The following NRIP2 variants were observed in gnomAD, a reference collection of about 807,000 sequenced individuals.
NRIP2 encodes the protein nuclear receptor-interacting protein 2.
NRIP2 carries 27 observed loss-of-function variants against 34.1 expected under a neutral mutation model. The observed-to-expected ratio is 0.79, with a 90% CI of 0.58 to 1.09. The LOEUF is 1.09. Among genes scored for constraint, NRIP2 ranks in the 50% least tolerant of loss-of-function variants. The pLI, the probability that NRIP2 is intolerant of heterozygous loss-of-function variation, is 0.00. For synonymous variants in NRIP2, 145 were observed against 146.9 expected (o/e 0.99, Z 0.09); for missense variants, 385 against 352.6 (o/e 1.09, Z -0.74).
chr12:2,828,178 C>G, intron 3 of NRIP2, 131 bp from the exon 4 acceptor site: 2 of 1,166,628 alleles, frequency 1.7e-6, no homozygotes, highest in Non-Finnish European at 2.5e-6. Flanking sequence ...AAATCCTTGC[C>G]TTCTCTGCCA....
rs559300815 is a variant in NRIP2, at chr12:2,830,408, A to G, written c.495+300T>C. 15 of 270,784 alleles carry G rather than the reference A, an allele frequency of 5.5e-5. No individual in the cohort carries two copies. The South Asian group carries it at 5.8e-4, about 10-fold the overall frequency. 16.8% of individuals were successfully genotyped at this position (270,784 alleles called of 1,614,324 possible). On this transcript the variant is annotated intron_variant, in intron 2 of 5. Coordinates refer to ENST00000337508, the MANE Select transcript of NRIP2 (RefSeq NM_031474.3). Reference sequence around the variant, plus strand: ...AGTTTTTTCCAGAATTACGTTATCCATGCACACACACCATTTGTCTGTGTA... The same window carrying G: ...AGTTTTTTCCAGAATTACGTTATCCGTGCACACACACCATTTGTCTGTGTA...
Position 2,827,312 on chromosome 12 carries a change from G to C in NRIP2, c.754-13C>G. ...GGTCGATGCAGCACTGCGGGGTGTA[G>C]AGCAGTCATGCCAGGTCACCTCAGC... On this transcript the variant is annotated splice_polypyrimidine_tract_variant and intron_variant, in intron 5 of 5. Transcript: ENST00000337508. This position sits in a 1 kb window ranked among gnomAD's most constrained non-coding sequence, Gnocchi z 4.0. 1 of 1,610,364 alleles carries C rather than the reference G, an allele frequency of 6.2e-7. No homozygotes were observed. The highest frequency in any genetic ancestry group is 1.3e-5 in the African/African-American group (1 of 74,936).
chr12:2,832,195 C>G (rs1485492285), intron 1 of NRIP2, among the ~76,000 whole-genome samples: 2 of 152,124 alleles, frequency 1.3e-5, no homozygotes, highest in Non-Finnish European at 2.9e-5. Context: ...TTGAGAAGCA[C>G]CAAAGTAAAA....
chr12:2,830,559 G>T lies in NRIP2; in HGVS notation c.495+149C>A, dbSNP rs944614269. 5 of 755,536 alleles carry T rather than the reference G, an allele frequency of 6.6e-6. No individual in the cohort carries two copies. In the East Asian group the frequency reaches 8.7e-5, roughly 13 times the overall value. The allele number at this position is 755,536 out of a possible 1,614,324, so 46.8% of individuals were successfully genotyped here. On this transcript the variant is annotated intron_variant, in intron 2 of 5. Coordinates refer to ENST00000337508, the MANE Select transcript of NRIP2 (RefSeq NM_031474.3). The stretch of plus-strand genomic sequence containing the variant: ...ATGGCTTGGGGCAGGGAGGAAGGAG[G>T]TAGAGGATCCTGGTTAGGTCCAGGC...
At chr12:2,830,638 G>T in intron 2 of NRIP2, 70 bp downstream of exon 2, 1 of 1,505,476 alleles carries the variant, frequency 6.6e-7, no homozygotes, top group Non-Finnish European at 9.0e-7. Flanking sequence ...GGGCAGAGCA[G>T]AAAGGAGAGC....
Position 2,828,276 on chromosome 12 carries a change from C to T in NRIP2, c.578+56G>A, listed in dbSNP as rs536569192. On this transcript the variant is annotated intron_variant, in intron 3 of 5. Transcript: ENST00000337508. ...TCACTATCTAATTTGAGAATATTTT[C>T]ATCACCCCAAAAAGAAACCCTGTCC... 3.6e-4 allele frequency: 520 copies of T among 1,462,042 alleles called. 6 individuals are homozygous for T. The highest frequency in any genetic ancestry group is 2.1e-3 in the South Asian group (186 of 86,582). 90.6% of individuals were successfully genotyped at this position (1,462,042 alleles called of 1,614,324 possible). A position where few individuals can be genotyped will look rare whatever the true frequency, so the allele number is the denominator to read the frequency against.
intron 1 of NRIP2, 31 bp from the exon 2 acceptor site, chr12:2,830,891 C>T (rs2097998463): frequency 6.2e-7 from 1 of 1,603,618 alleles, no homozygotes. Context: ...TGAAGGTAGG[C>T]AGTTCTAAAC....
At position 2,826,327 on chromosome 12, in the gene NRIP2, G is replaced by A. The variant is rs1368734371; in HGVS notation, c.*880C>T. On this transcript the variant is annotated 3_prime_UTR_variant, in exon 6 of 6. Transcript: ENST00000337508. ...AGGCCAGAGATGGGGATAGGAAGAAGGCCTAATGAGGTGGATAGTTCTAGA... is the reference window on the plus strand; with the variant it reads ...AGGCCAGAGATGGGGATAGGAAGAAAGCCTAATGAGGTGGATAGTTCTAGA... The A allele has an allele frequency of 6.6e-6, 1 of 152,150 alleles. No individual in the cohort carries two copies. Among genetic ancestry groups the A allele is most frequent in the Non-Finnish European group, 1.5e-5 (1 of 68,040 alleles). 9.4% of individuals were successfully genotyped at this position (152,150 alleles called of 1,614,324 possible). A position where few individuals can be genotyped will look rare whatever the true frequency, so the allele number is the denominator to read the frequency against.
chr12:2,832,761 A>G (rs1275536986), intron 1 of NRIP2, among the ~76,000 whole-genome samples: 3 of 149,294 alleles, frequency 2.0e-5, no homozygotes, highest in South Asian at 2.2e-4. Context: ...TAGGCACTCA[A>G]TAAATGCTTG....
At chr12:2,830,378 A>C (rs1209881935) in intron 2 of NRIP2, 1 of 208,754 alleles carries the variant, frequency 4.8e-6, no homozygotes, top group Non-Finnish European at 9.5e-6. Context: ...GCCTTAGAAC[A>C]CATGAGTTTT....
chr12:2,828,466 G>A (rs752045217), intron 2 of NRIP2, 52 bp from the exon 3 acceptor site: 11 of 1,362,722 alleles, frequency 8.1e-6, no homozygotes, highest in Non-Finnish European at 1.1e-5. Context: ...GAATGGGTTG[G>A]AATTGGATCC....
intron 1 of NRIP2, among the ~76,000 whole-genome samples, chr12:2,831,785 T>A (rs1394850795): frequency 6.6e-6 from 1 of 152,068 alleles, no homozygotes; most frequent in East Asian, 1.9e-4. Flanking sequence ...TCTTTCAAGA[T>A]GGGATCTTGC....
chr12:2,833,384 A>C (rs2098013004), intron 1 of NRIP2, among the ~76,000 whole-genome samples: 1 of 151,806 alleles, frequency 6.6e-6, no homozygotes, highest in African/African-American at 2.4e-5. Context: ...ATTAAGTCTC[A>C]GTGCAATCCC....
intron 2 of NRIP2, among the ~76,000 whole-genome samples, chr12:2,828,959 C>T (rs1015676958): frequency 6.6e-6 from 1 of 151,964 alleles, no homozygotes; most frequent in Admixed American, 6.6e-5. Flanking sequence ...GTAGTTCTAG[C>T]ACTTTGGAGG....
intron 2 of NRIP2, among the ~76,000 whole-genome samples, chr12:2,829,324 T>G (rs1363981492): frequency 1.3e-5 from 2 of 152,246 alleles, no homozygotes; most frequent in Non-Finnish European, 2.9e-5. Context: ...CGCTTGGATA[T>G]ACACACACAT....
intron 1 of NRIP2, among the ~76,000 whole-genome samples, chr12:2,832,808 C>G (rs910862164): frequency 2.0e-5 from 3 of 150,258 alleles, no homozygotes; most frequent in Non-Finnish European, 4.4e-5. Flanking sequence ...CTATGCACCT[C>G]TCCACCTGCC....
chr12:2,827,040 G>C lies in NRIP2; in HGVS notation c.*167C>G, dbSNP rs1261090152. The C allele has an allele frequency of 6.8e-7, 1 of 1,460,622 alleles. No individual in the cohort carries two copies. Among genetic ancestry groups the C allele is most frequent in the Non-Finnish European group, 9.0e-7 (1 of 1,114,774 alleles). The allele number at this position is 1,460,622 out of a possible 1,614,324, so 90.5% of individuals were successfully genotyped here. On this transcript the variant is annotated 3_prime_UTR_variant, in exon 6 of 6. Transcript: ENST00000337508. The surrounding 1 kb of genome is among the most constrained non-coding windows in gnomAD (Gnocchi z 4.0). ...GGAGTAGGACAGCTGCTGAGAAGCAGAGAGGAATGCGGCCAGCTGGGGAAA... is the reference window on the plus strand; with the variant it reads ...GGAGTAGGACAGCTGCTGAGAAGCACAGAGGAATGCGGCCAGCTGGGGAAA...
At chr12:2,831,989 C>A (rs1040571577) in intron 1 of NRIP2, among the ~76,000 whole-genome samples, 2 of 152,106 alleles carry the variant, frequency 1.3e-5, no homozygotes, top group Admixed American at 1.3e-4. Context: ...AACCTGTCTC[C>A]AGACCTGTTA....
At chr12:2,833,977 G>A (rs975889437) in intron 1 of NRIP2, among the ~76,000 whole-genome samples, 1 of 152,198 alleles carries the variant, frequency 6.6e-6, no homozygotes, top group African/African-American at 2.4e-5. Flanking sequence ...AGAGGGGAAT[G>A]CCTGAATCTG....
Sources: allele counts gnomAD v4.1 joint callset (sites outside exome capture counted in the v4.1 genomes callset), GRCh38; gene constraint gnomAD v4.1.1; non-coding constraint Gnocchi (gnomAD v3.1); transcripts MANE v1.5; gene names NCBI Gene and HGNC (gene_info 2026-07-23, HGNC 2026-07-21).